The following TCN2 variants were observed in gnomAD, a reference collection of about 807,000 sequenced individuals.
TCN2 encodes the protein transcobalamin-2.
Under a neutral mutation model 48.6 loss-of-function variants are expected in TCN2, and 34 were observed. That is an observed-to-expected ratio of 0.70 (90% CI 0.53 to 0.93). TCN2 has a LOEUF of 0.93. TCN2 is among the 40% of genes least tolerant of loss of function. TCN2 has a pLI of 0.00. For synonymous variants in TCN2, 283 were observed against 212.5 expected, an observed-to-expected ratio of 1.33 and a Z score of -2.89; for missense variants, 652 against 526.1, an observed-to-expected ratio of 1.24 and a Z score of -2.34.
rs371039266 is a variant in TCN2, at chr22:30,607,327, C to T, written c.-5C>T. 2 of 1,614,084 alleles carry T rather than the reference C, an allele frequency of 1.2e-6. No homozygotes were observed. The highest frequency in any genetic ancestry group is 1.3e-5 in the African/African-American group (1 of 74,932). ...TTGCTCACTGCTCACCCACCTGCTG[C>T]TGCCATGAGGCACCTTGGGGCCTTC... On this transcript the variant is annotated 5_prime_UTR_variant, in exon 1 of 9. Coordinates refer to ENST00000215838, the MANE Select transcript of TCN2 (RefSeq NM_000355.4).
At chr22:30,609,696 A>C (rs990160752) in intron 1 of TCN2, among the ~76,000 whole-genome samples, 1 of 152,138 alleles carries the variant, frequency 6.6e-6, no homozygotes, top group Non-Finnish European at 1.5e-5. Context: ...GGCACCAAAA[A>C]ATGGTTCTCA....
At chr22:30,619,764 CA>C (rs1202693611) in intron 7 of TCN2, among the ~76,000 whole-genome samples, 2 of 152,198 alleles carry the variant, frequency 1.3e-5, no homozygotes, top group Non-Finnish European at 2.9e-5. Context: ...CGGAGAAATG[CA>C]AAGACTCCTC....
At position 30,610,970 on chromosome 22, in the gene TCN2, A is replaced by C. The variant is rs201701227; in HGVS notation, c.164A>C (p.Tyr55Ser). The C allele has an allele frequency of 6.2e-7, 1 of 1,614,158 alleles. No homozygotes were observed. The highest frequency in any genetic ancestry group is 1.1e-5 in the South Asian group (1 of 91,082). ...LSLEHLNPSI[Y>S]VGLRLSSLQA... ...CTGGAGCACTTGAACCCCAGCATCT[A>C]TGTGGGCCTACGCCTCTCCAGTCTG... The change falls in exon 2 of 9, where the codon TAT becomes TCT. Residue 55 changes from tyrosine to serine, a missense_variant. Transcript: ENST00000215838.
intron 2 of TCN2, among the ~76,000 whole-genome samples, chr22:30,611,431 T>C (rs931530482): frequency 6.6e-6 from 1 of 152,202 alleles, no homozygotes; most frequent in Non-Finnish European, 1.5e-5. Flanking sequence ...AGAAGCAGCA[T>C]CTGACTCTGT....
chr22:30,607,323 G>A lies in TCN2; in HGVS notation c.-9G>A. 1.2e-6 allele frequency: 2 copies of A among 1,614,026 alleles called. No homozygotes were observed. The highest frequency in any genetic ancestry group is 1.7e-6 in the Non-Finnish European group (2 of 1,180,026). ...ATTCTTGCTCACTGCTCACCCACCT[G>A]CTGCTGCCATGAGGCACCTTGGGGC... On this transcript the variant is annotated 5_prime_UTR_variant, in exon 1 of 9. Coordinates refer to ENST00000215838, the MANE Select transcript of TCN2 (RefSeq NM_000355.4).
chr22:30,613,831 C>G (rs192251599), intron 3 of TCN2, among the ~76,000 whole-genome samples: 1 of 152,320 alleles, frequency 6.6e-6, no homozygotes, highest in East Asian at 1.9e-4. Context: ...TCTGCCCAGG[C>G]TGTGCTCATC....
intron 6 of TCN2, 137 bp downstream of exon 6, chr22:30,615,924 A>C: frequency 1.0e-6 from 1 of 1,000,120 alleles, no homozygotes; most frequent in South Asian, 1.3e-5. Flanking sequence ...CACAGCAGCC[A>C]AAATGTGGTC....
chr22:30,609,604 CAG>C (rs2087505093), intron 1 of TCN2, among the ~76,000 whole-genome samples: 1 of 151,980 alleles, frequency 6.6e-6, no homozygotes. Flanking sequence ...GGCAGATGAC[CAG>C]AGAGACACAG....
rs766944090 is a variant in TCN2, at chr22:30,623,963, TAC to T, written c.1222+888_1222+889del. 1.4e-3 allele frequency among the ~76,000 whole-genome samples: 44 copies of T among 31,166 alleles called. 13 individuals carry two copies. Among genetic ancestry groups the T allele is most frequent in the Non-Finnish European group, 2.3e-3 (34 of 14,526 alleles). The allele number at this position is 31,166 out of a possible 152,430, so 20.4% of individuals were successfully genotyped here. ...ACACACACACATATGTATACATATATACACACACATATATATGTATACATATA... is the reference window on the plus strand; with the variant it reads ...ACACACACACATATGTATACATATATACACACATATATATGTATACATATA... On this transcript the variant is annotated intron_variant, in intron 8 of 8. Transcript: ENST00000215838.
At position 30,626,672 on chromosome 22, in the gene TCN2, C is replaced by T. The variant is rs931780420; in HGVS notation, c.*151C>T. The T allele has an allele frequency of 3.6e-6, 3 of 831,430 alleles. No homozygotes were observed. Among genetic ancestry groups the T allele is most frequent in the East Asian group, 5.3e-5 (2 of 37,742 alleles). The allele number at this position is 831,430 out of a possible 1,614,324, so 51.5% of individuals were successfully genotyped here. The stretch of plus-strand genomic sequence containing the variant: ...CCTGGGATCACCCCAGCCACAAGCC[C>T]TTCGAGGGCCCTATACCATGGCCCA... On this transcript the variant is annotated 3_prime_UTR_variant, in exon 9 of 9. Coordinates refer to ENST00000215838, the MANE Select transcript of TCN2 (RefSeq NM_000355.4).
At chr22:30,617,675 C>T (rs1380431290) in intron 7 of TCN2, 180 bp downstream of exon 7, 1 of 805,642 alleles carries the variant, frequency 1.2e-6, no homozygotes, top group Non-Finnish European at 2.0e-6. Flanking sequence ...GAGCCATAGG[C>T]CAGCATTGTC....
intron 1 of TCN2, among the ~76,000 whole-genome samples, chr22:30,609,700 G>A (rs1569037697): frequency 6.6e-6 from 1 of 152,096 alleles, no homozygotes; most frequent in African/African-American, 2.4e-5. Context: ...CCAAAAAATG[G>A]TTCTCAGTGA....
At chr22:30,613,953 G>A (rs1031159489) in intron 3 of TCN2, among the ~76,000 whole-genome samples, 9 of 152,128 alleles carry the variant, frequency 5.9e-5, no homozygotes, top group South Asian at 2.1e-4. Context: ...GCTTCCCTGC[G>A]TGCAGTTCAC....
Position 30,612,911 on chromosome 22 carries a change from A to G in TCN2, c.296A>G (p.Lys99Arg). 1 of 1,614,130 alleles carries G rather than the reference A, an allele frequency of 6.2e-7. No individual in the cohort carries two copies. The highest frequency in any genetic ancestry group is 8.5e-7 in the Non-Finnish European group (1 of 1,180,038). Residue 99 changes from lysine to arginine, a missense_variant, in exon 3 of 9, where the codon AAG becomes AGG. Physicochemically the swap from Lys to Arg is conservative, Grantham distance 26 (BLOSUM62 2). Transcript: ENST00000215838. ...GAGGATGACGGTGACTGCCAGGGCAAGCCTTCCATGGGCCAGCTGGCCCTC... is the reference window on the plus strand; with the variant it reads ...GAGGATGACGGTGACTGCCAGGGCAGGCCTTCCATGGGCCAGCTGGCCCTC... ...FSEDDGDCQG[K>R]PSMGQLALYL...
At chr22:30,624,599 C>T (rs557687474) in intron 8 of TCN2, among the ~76,000 whole-genome samples, 1 of 152,216 alleles carries the variant, frequency 6.6e-6, no homozygotes, top group South Asian at 2.1e-4. Flanking sequence ...CAGATGGAGA[C>T]CCCAAGTCTG....
At chr22:30,620,932 CT>C (rs1439452429) in intron 7 of TCN2, among the ~76,000 whole-genome samples, 1 of 152,214 alleles carries the variant, frequency 6.6e-6, no homozygotes, top group Non-Finnish European at 1.5e-5. Context: ...AAAAGGGCTA[CT>C]CTGTGACATT....
chr22:30,612,753 T>C (rs1006172989), intron 2 of TCN2, 120 bp from the exon 3 acceptor site: 3 of 1,262,176 alleles, frequency 2.4e-6, no homozygotes, highest in African/African-American at 1.5e-5. Flanking sequence ...TTTGGAGCTT[T>C]TATCAAAGTT....
chr22:30,625,558 G>A (rs1005326791), intron 8 of TCN2, among the ~76,000 whole-genome samples: 3 of 152,022 alleles, frequency 2.0e-5, no homozygotes, highest in Non-Finnish European at 4.4e-5. Flanking sequence ...TGCCTCCCTG[G>A]CTTAAGCGAT....
chr22:30,620,641 C>T (rs1431562335), intron 7 of TCN2, among the ~76,000 whole-genome samples: 1 of 152,226 alleles, frequency 6.6e-6, no homozygotes, highest in African/African-American at 2.4e-5. Context: ...CCAGAACCAG[C>T]TGGTATTCAT....
Sources: gnomAD v4.1 joint callset for allele counts (sites outside exome capture counted in the v4.1 genomes callset) on GRCh38, gnomAD v4.1.1 for gene constraint, MANE v1.5 for transcripts, NCBI Gene and HGNC (gene_info 2026-07-23, HGNC 2026-07-21) for gene names.